ANKRD12: variants seen among roughly 807,000 people sequenced by gnomAD.
ANKRD12 encodes ankyrin repeat domain 12.
In ANKRD12, 85 loss-of-function variants were observed where a neutral mutation model predicts 183.4. The observed-to-expected ratio is 0.46, with a 90% CI of 0.39 to 0.56. The LOEUF (loss-of-function observed/expected upper bound fraction) is 0.56, where lower values mean the gene tolerates loss of function less well. Ranked by LOEUF, ANKRD12 falls within the 20% of genes least tolerant of loss-of-function variation. ANKRD12 has a pLI of 0.00. For missense variants in ANKRD12, 2,405 were observed against 2,357.1 expected (o/e 1.02, Z -0.42); for synonymous variants, 914 against 800.2 (o/e 1.14, Z -2.40).
chr18:9,246,842 G>T (rs1224359616), intron 8 of ANKRD12, among the ~76,000 whole-genome samples: 1 of 152,076 alleles, frequency 6.6e-6, no homozygotes, highest in Non-Finnish European at 1.5e-5. Flanking sequence ...CCTTAAAACA[G>T]TCCTGTGAGT....
intron 5 of ANKRD12, among the ~76,000 whole-genome samples, chr18:9,209,388 A>C (rs1247633540): frequency 1.3e-5 from 2 of 152,182 alleles, no homozygotes; most frequent in African/African-American, 4.8e-5. Flanking sequence ...AAAGTAAATC[A>C]CTTTTGTCTG....
At chr18:9,212,793 A>G (rs986170136) in intron 6 of ANKRD12, among the ~76,000 whole-genome samples, 2 of 151,916 alleles carry the variant, frequency 1.3e-5, no homozygotes, top group African/African-American at 2.4e-5. Flanking sequence ...TTAATTATTA[A>G]CAATCTGAAG....
At chr18:9,178,283 G>A (rs1475218193) in intron 1 of ANKRD12, among the ~76,000 whole-genome samples, 1 of 151,696 alleles carries the variant, frequency 6.6e-6, no homozygotes, top group Non-Finnish European at 1.5e-5. Context: ...TGCATTTTGA[G>A]GCTAATTTTT....
chr18:9,150,656 T>A lies in ANKRD12; in HGVS notation c.-52+13691T>A, dbSNP rs185095721. On this transcript the variant is annotated intron_variant, in intron 1 of 12. Coordinates refer to ENST00000262126, the MANE Select transcript of ANKRD12 (RefSeq NM_015208.5). The stretch of plus-strand genomic sequence containing the variant: ...TTTTTTTTAAAATTTATTTTTATTT[T>A]TTATTATTATTTTTTGAGACGGAGT... Among the ~76,000 whole-genome samples the A allele has an allele frequency of 3.9e-3, 601 of 152,226 alleles. 26 individuals are homozygous for A. The South Asian group carries it at 0.081, about 21-fold the overall frequency.
intron 11 of ANKRD12, among the ~76,000 whole-genome samples, chr18:9,277,472 CG>C (rs1470812622): frequency 4.0e-5 from 6 of 151,536 alleles, no homozygotes; most frequent in African/African-American, 1.5e-4. Flanking sequence ...GGACTACAGG[CG>C]CCCGCCACCA....
chr18:9,244,077 T>G (rs968287468), intron 8 of ANKRD12, among the ~76,000 whole-genome samples: 1 of 152,156 alleles, frequency 6.6e-6, no homozygotes, highest in South Asian at 2.1e-4. Context: ...GAGGTTACAG[T>G]GAGCCGAGGT....
intron 4 of ANKRD12, among the ~76,000 whole-genome samples, chr18:9,205,372 A>G (rs1449116335): frequency 1.3e-5 from 2 of 151,854 alleles, no homozygotes; most frequent in Non-Finnish European, 2.9e-5. Context: ...AGCATATGAC[A>G]TTTAGTTATA....
intron 8 of ANKRD12, among the ~76,000 whole-genome samples, chr18:9,242,844 C>T (rs1028441690): frequency 1.3e-5 from 2 of 152,132 alleles, no homozygotes; most frequent in African/African-American, 2.4e-5. Context: ...AAAGTCTTAA[C>T]TGTAATCTCT....
intron 5 of ANKRD12, among the ~76,000 whole-genome samples, chr18:9,210,305 G>T (rs2035719554): frequency 3.3e-5 from 5 of 152,140 alleles, no homozygotes; most frequent in African/African-American, 9.7e-5. Flanking sequence ...GAATACCGCT[G>T]TGGTATATGA....
intron 8 of ANKRD12, among the ~76,000 whole-genome samples, chr18:9,222,395 A>ATTT (rs2036469614): frequency 6.6e-6 from 1 of 151,722 alleles, no homozygotes; most frequent in Non-Finnish European, 1.5e-5. Flanking sequence ...TTAACGAGTC[A>ATTT]TCTCTGTGAT....
At chr18:9,190,980 A>C (rs548041235) in intron 2 of ANKRD12, among the ~76,000 whole-genome samples, 20 of 152,272 alleles carry the variant, frequency 1.3e-4, no homozygotes, top group South Asian at 4.1e-4. Flanking sequence ...TTCTGTTTAT[A>C]TATTTGCACG....
chr18:9,274,393 A>G (rs762941183), intron 10 of ANKRD12, among the ~76,000 whole-genome samples: 2 of 152,266 alleles, frequency 1.3e-5, no homozygotes, highest in Non-Finnish European at 2.9e-5. Flanking sequence ...ATGCTACAAC[A>G]TGGATGAACC....
intron 10 of ANKRD12, among the ~76,000 whole-genome samples, chr18:9,267,574 G>A (rs568101284): frequency 2.6e-5 from 4 of 152,138 alleles, no homozygotes; most frequent in African/African-American, 4.8e-5. Flanking sequence ...TGAGACCAAC[G>A]AGAACAAAGA....
rs116206533 is a variant in ANKRD12, at chr18:9,258,904, C to T, written c.5637C>T (p.Asn1879=). The T allele has an allele frequency of 2.9e-4, 472 of 1,608,988 alleles. 1 individual carries two copies. In the African/African-American group the frequency reaches 5.2e-3, roughly 18 times the overall value. Residue 1879 remains asparagine, a synonymous_variant, in exon 9 of 13, where the codon AAC becomes AAT. Coordinates refer to ENST00000262126, the MANE Select transcript of ANKRD12 (RefSeq NM_015208.5). ...TFNGSYLLDG[N]PLSKICIPTI... ...ACGGATCATATCTCCTGGATGGAAA[C>T]CCCTTAAGCAAGATTTGTATTCCCA...
intron 8 of ANKRD12, among the ~76,000 whole-genome samples, chr18:9,251,750 C>T (rs899428616): frequency 2.3e-4 from 35 of 152,104 alleles, no homozygotes; most frequent in African/African-American, 7.2e-4. Flanking sequence ...GCCACGATCA[C>T]GCCACTGCAC....
Position 9,246,570 on chromosome 18 carries a change from G to A in ANKRD12, c.944-7641G>A, listed in dbSNP as rs1355952866. Among the ~76,000 whole-genome samples the A allele has an allele frequency of 5.9e-5, 9 of 152,242 alleles. No homozygotes were observed. The East Asian group carries it at 1.7e-3, about 29-fold the overall frequency. On this transcript the variant is annotated intron_variant, in intron 8 of 12. Transcript: ENST00000262126. ...TGTAGCCCTGTAATAAGTGAAATAA[G>A]TGCCCGGAGCAAGCTTGAATCTTTT...
intron 1 of ANKRD12, among the ~76,000 whole-genome samples, chr18:9,151,366 T>C (rs185545823): frequency 8.5e-5 from 13 of 152,338 alleles, no homozygotes; most frequent in African/African-American, 3.1e-4. Flanking sequence ...TTTGCATTCA[T>C]AGAAAAAATA....
intron 2 of ANKRD12, among the ~76,000 whole-genome samples, chr18:9,183,783 C>T (rs974588607): frequency 5.3e-5 from 8 of 152,098 alleles, no homozygotes; most frequent in Admixed American, 5.2e-4. Context: ...GTACTTAGTC[C>T]ACTTACATTT....
At chr18:9,268,846 A>T (rs2039443156) in intron 10 of ANKRD12, among the ~76,000 whole-genome samples, 3 of 152,214 alleles carry the variant, frequency 2.0e-5, no homozygotes, top group African/African-American at 7.2e-5. Context: ...CTGTTTGCAG[A>T]TGACATGATT....
Sources: allele counts gnomAD v4.1 joint callset (sites outside exome capture counted in the v4.1 genomes callset), GRCh38; gene constraint gnomAD v4.1.1; transcripts MANE v1.5; gene names NCBI Gene and HGNC (gene_info 2026-07-23, HGNC 2026-07-21).